RPS6KC1: variants seen among roughly 807,000 people sequenced by gnomAD.
RPS6KC1 encodes ribosomal protein S6 kinase C1.
A neutral mutation model predicts 103.8 loss-of-function variants in RPS6KC1; 54 were observed. That is an observed-to-expected ratio of 0.52 (90% confidence interval 0.42 to 0.65). RPS6KC1 has a LOEUF of 0.65. RPS6KC1 is among the 30% of genes least tolerant of loss of function. The pLI, the probability that RPS6KC1 is intolerant of heterozygous loss-of-function variation, is 0.00. For missense variants in RPS6KC1, 1,151 were observed against 1,253.8 expected, an observed-to-expected ratio of 0.92 and a Z score of 1.24; for synonymous variants, 439 against 438.7, an observed-to-expected ratio of 1.00 and a Z score of -0.01.
intron 4 of RPS6KC1, among the ~76,000 whole-genome samples, chr1:213,114,647 G>A (rs1051483147): frequency 1.2e-3 from 187 of 151,412 alleles, no homozygotes; most frequent in African/African-American, 4.4e-3. Context: ...TTTTCAAAGG[G>A]AATGCTTCCA....
chr1:213,535,524 T>C, the RPS6KC1 span, among the ~76,000 whole-genome samples: 2,334 of 152,316 alleles, frequency 0.015, 68 homozygotes, highest in African/African-American at 0.054. Context: ...TTGTCCTCAG[T>C]GCAGTATCTC....
chr1:213,740,618 T>C, the RPS6KC1 span, among the ~76,000 whole-genome samples: 1 of 150,532 alleles, frequency 6.6e-6, no homozygotes, highest in Non-Finnish European at 1.5e-5. Flanking sequence ...TATACATATA[T>C]ATATCTCAGA....
intron 1 of RPS6KC1, among the ~76,000 whole-genome samples, chr1:213,054,645 C>T (rs1008156186): frequency 1.3e-5 from 2 of 152,120 alleles, no homozygotes; most frequent in African/African-American, 4.8e-5. Flanking sequence ...ATTGGAAGTA[C>T]CAATGTTAAA....
At chr1:213,402,331 G>A in the RPS6KC1 span, among the ~76,000 whole-genome samples, 2 of 152,166 alleles carry the variant, frequency 1.3e-5, no homozygotes, top group African/African-American at 4.8e-5. Flanking sequence ...AGCTGACACT[G>A]CCTTTGGCCA....
At chr1:213,586,215 G>A in the RPS6KC1 span, among the ~76,000 whole-genome samples, 6 of 152,180 alleles carry the variant, frequency 3.9e-5, no homozygotes, top group African/African-American at 1.4e-4. Context: ...TACATTACAA[G>A]AGGATCTGTA....
the RPS6KC1 span, among the ~76,000 whole-genome samples, chr1:213,452,495 G>T: frequency 6.6e-6 from 1 of 151,654 alleles, no homozygotes; most frequent in South Asian, 2.1e-4. Context: ...AATTCTTATT[G>T]CTTCTTGGTG....
intron 3 of RPS6KC1, among the ~76,000 whole-genome samples, chr1:213,103,864 T>G (rs2082236151): frequency 6.6e-6 from 1 of 152,226 alleles, no homozygotes; most frequent in Admixed American, 6.5e-5. Context: ...AAGCACCTTT[T>G]GATCACCTTG....
At chr1:213,699,025 C>T in the RPS6KC1 span, among the ~76,000 whole-genome samples, 1 of 152,064 alleles carries the variant, frequency 6.6e-6, no homozygotes, top group African/African-American at 2.4e-5. Context: ...TATTATTACC[C>T]TTAACCATTT....
chr1:213,744,050 T>C, the RPS6KC1 span, among the ~76,000 whole-genome samples: 1 of 152,150 alleles, frequency 6.6e-6, no homozygotes, highest in Admixed American at 6.5e-5. Flanking sequence ...ATATTGTATG[T>C]TCTCACTTAT....
chr1:213,701,741 A>G, the RPS6KC1 span, among the ~76,000 whole-genome samples: 2 of 151,962 alleles, frequency 1.3e-5, no homozygotes, highest in African/African-American at 2.4e-5. Context: ...TTGAATTTCT[A>G]CAGTATTGAT....
the RPS6KC1 span, among the ~76,000 whole-genome samples, chr1:213,630,155 C>T: frequency 0.034 from 5,175 of 152,268 alleles, 164 homozygotes; most frequent in African/African-American, 0.088. Flanking sequence ...GGGAAGTTCT[C>T]GTGGATAATA....
the RPS6KC1 span, among the ~76,000 whole-genome samples, chr1:213,596,637 C>CAATT: frequency 6.6e-6 from 1 of 152,234 alleles, no homozygotes; most frequent in African/African-American, 2.4e-5. Context: ...TTGATCTTTT[C>CAATT]AATTATTTTG....
chr1:213,736,509 CAT>C, the RPS6KC1 span, among the ~76,000 whole-genome samples: 1 of 152,190 alleles, frequency 6.6e-6, no homozygotes, highest in African/African-American at 2.4e-5. Flanking sequence ...AGTCTACTAA[CAT>C]AGAGTCTTCA....
chr1:213,334,901 G>T, the RPS6KC1 span, among the ~76,000 whole-genome samples: 1 of 151,968 alleles, frequency 6.6e-6, no homozygotes, highest in African/African-American at 2.4e-5. Flanking sequence ...TCTATATATG[G>T]TAACAGGATG....
chr1:213,712,168 A>G, the RPS6KC1 span, among the ~76,000 whole-genome samples: 1 of 152,172 alleles, frequency 6.6e-6, no homozygotes, highest in Admixed American at 6.5e-5. Context: ...TTTATCTATA[A>G]GCCTCTGACT....
chr1:213,808,080 G>T, the RPS6KC1 span, among the ~76,000 whole-genome samples: 2 of 152,326 alleles, frequency 1.3e-5, no homozygotes, highest in Admixed American at 6.5e-5. Flanking sequence ...AGCGGTGTCT[G>T]CAGAACAGTG....
At chr1:213,481,984 G>A in the RPS6KC1 span, among the ~76,000 whole-genome samples, 2 of 152,040 alleles carry the variant, frequency 1.3e-5, no homozygotes, top group Admixed American at 6.6e-5. Context: ...TTAAAAGTAT[G>A]TGCACCTCCT....
the RPS6KC1 span, among the ~76,000 whole-genome samples, chr1:213,462,387 A>G: frequency 2.0e-5 from 3 of 152,172 alleles, no homozygotes; most frequent in Non-Finnish European, 4.4e-5. Flanking sequence ...ATACCGTTTG[A>G]CCCAGCAATC....
chr1:213,856,793 G>A, the RPS6KC1 span, among the ~76,000 whole-genome samples: 9 of 152,132 alleles, frequency 5.9e-5, no homozygotes, highest in Middle Eastern at 0.014. Context: ...GTAGGCACAC[G>A]GTTTGATGGG....
Sources: allele counts gnomAD v4.1 joint callset (sites outside exome capture counted in the v4.1 genomes callset), GRCh38; gene constraint gnomAD v4.1.1; transcripts MANE v1.5; gene names NCBI Gene and HGNC (gene_info 2026-07-23, HGNC 2026-07-21).